TP63: variants seen among roughly 807,000 people sequenced by gnomAD.
TP63 encodes the protein tumor protein p63.
A neutral mutation model predicts 82.8 loss-of-function variants in TP63; 17 were observed. The ratio of observed to expected loss-of-function variants is 0.21; its 90% CI spans 0.14 to 0.31. TP63 has a LOEUF of 0.31. Among genes scored for constraint, TP63 ranks in the 10% least tolerant of loss-of-function variants. The pLI, the probability that TP63 is intolerant of heterozygous loss-of-function variation, is 1.00. For missense variants in TP63, 648 were observed against 895.3 expected (o/e 0.72, Z 3.52); for synonymous variants, 330 against 321.7 (o/e 1.03, Z -0.28).
chr3:189,717,524 A>G (rs543462250), intron 1 of TP63, among the ~76,000 whole-genome samples: 1 of 152,344 alleles, frequency 6.6e-6, no homozygotes, highest in African/African-American at 2.4e-5. Flanking sequence ...TCATATAGCT[A>G]TACTGAATTT....
chr3:189,616,010 C>A, the TP63 span, among the ~76,000 whole-genome samples: 1 of 152,200 alleles, frequency 6.6e-6, no homozygotes, highest in Non-Finnish European at 1.5e-5. Context: ...GCCTAGAACT[C>A]ACAGTTAGAT....
intron 1 of TP63, among the ~76,000 whole-genome samples, chr3:189,696,383 C>T (rs1035994002): frequency 1.3e-5 from 2 of 152,120 alleles, no homozygotes; most frequent in Non-Finnish European, 2.9e-5. Context: ...CTTGATAGCT[C>T]ATTTACTATT....
At chr3:189,601,674 A>G in the TP63 span, among the ~76,000 whole-genome samples, 1 of 152,000 alleles carries the variant, frequency 6.6e-6, no homozygotes, top group Non-Finnish European at 1.5e-5. Flanking sequence ...ACATTATTCA[A>G]CTTCAGAGGT....
At chr3:189,691,939 TC>T (rs1436188387) in intron 1 of TP63, among the ~76,000 whole-genome samples, 3 of 152,340 alleles carry the variant, frequency 2.0e-5, no homozygotes, top group African/African-American at 7.2e-5. Context: ...AGTGTGCTTT[TC>T]AAGATCAAGC....
In TP63 at chr3:189,822,729, C is replaced by T. The variant is rs138886405; in HGVS notation, c.579+14203C>T. On this transcript the variant is annotated intron_variant, in intron 4 of 13. Coordinates refer to ENST00000264731, the MANE Select transcript of TP63 (RefSeq NM_003722.5). ...TTTGGAGCCTTAGCCCAAAATGACT[C>T]GGACTCATGCTACAAAATGATAACG... Among the ~76,000 whole-genome samples, 166 of 152,266 alleles carry T rather than the reference C, an allele frequency of 1.1e-3. 2 individuals are homozygous for T. In the East Asian group the frequency reaches 0.029, roughly 26 times the overall value.
intron 1 of TP63, among the ~76,000 whole-genome samples, chr3:189,664,786 T>G (rs1286258781): frequency 1.3e-5 from 2 of 152,174 alleles, no homozygotes; most frequent in African/African-American, 2.4e-5. Flanking sequence ...AATAGTAGTA[T>G]TTGTTTTTAT....
rs115701477 is a variant in TP63 at position 189,647,575 on chromosome 3, G to A, written c.62+15998G>A. The stretch of plus-strand genomic sequence containing the variant: ...TCTGGAAAGCCATTGCAAGCTCTAC[G>A]TGGATTGTTTTTAGGGAGATGGGGG... On this transcript the variant is annotated intron_variant, in intron 1 of 13. Coordinates refer to ENST00000264731, the MANE Select transcript of TP63 (RefSeq NM_003722.5). 1.9e-3 allele frequency among the ~76,000 whole-genome samples: 278 copies of A among 146,610 alleles called. 22 individuals are homozygous for A. Among genetic ancestry groups the A allele is most frequent in the Middle Eastern group, 0.01 (3 of 288 alleles).
chr3:189,645,280 C>G, intron 1 of TP63: 1 of 405,556 alleles, frequency 2.5e-6, no homozygotes, highest in Non-Finnish European at 4.7e-6. Context: ...ACCTTCCACA[C>G]ACCCTTTGGT....
intron 1 of TP63, among the ~76,000 whole-genome samples, chr3:189,662,956 G>C (rs1714054169): frequency 6.6e-6 from 1 of 152,056 alleles, no homozygotes; most frequent in Non-Finnish European, 1.5e-5. Context: ...TGTATATAAA[G>C]TGGTCTGAAT....
chr3:189,616,620 T>C, the TP63 span, among the ~76,000 whole-genome samples: 1 of 152,230 alleles, frequency 6.6e-6, no homozygotes, highest in Non-Finnish European at 1.5e-5. Flanking sequence ...AGCTAAGTTC[T>C]GGTCCTGCTT....
chr3:189,675,745 A>C lies in TP63; in HGVS notation c.62+44168A>C, dbSNP rs1006607670. ...CCACTGTGCTGGGTGAGCTGCATCAAATAAATGAAACCAGCTACAGCCTGG... is the reference window on the plus strand; with the variant it reads ...CCACTGTGCTGGGTGAGCTGCATCACATAAATGAAACCAGCTACAGCCTGG... On this transcript the variant is annotated intron_variant, in intron 1 of 13. Transcript: ENST00000264731. Among the ~76,000 whole-genome samples, 5 of 152,074 alleles carry C rather than the reference A, an allele frequency of 3.3e-5. No homozygotes were observed. The South Asian group carries it at 1.0e-3, about 32-fold the overall frequency.
At position 189,709,667 on chromosome 3, in the gene TP63, G is replaced by C. The variant is rs984921239; in HGVS notation, c.63-28073G>C. 7.2e-5 allele frequency among the ~76,000 whole-genome samples: 11 copies of C among 152,130 alleles called. No individual in the cohort carries two copies. In the East Asian group the frequency reaches 2.1e-3, roughly 29 times the overall value. On this transcript the variant is annotated intron_variant, in intron 1 of 13. Transcript: ENST00000264731. ...CTCAAAAAATAATAATAATAAAAAA[G>C]AATTACAGGTGCTTTTTACATTTAT...
chr3:189,706,181 A>C lies in TP63; in HGVS notation c.63-31559A>C, dbSNP rs749964649. Among the ~76,000 whole-genome samples, 112 of 152,312 alleles carry C rather than the reference A, an allele frequency of 7.4e-4. 1 individual carries two copies. The highest frequency in any genetic ancestry group is 4.7e-4 in the Non-Finnish European group (32 of 68,022). ...ACAAACAGTTGTTACACAGTATAAC[A>C]ATTATGACAAACATTATTTTAGAAA... On this transcript the variant is annotated intron_variant, in intron 1 of 13. Coordinates refer to ENST00000264731, the MANE Select transcript of TP63 (RefSeq NM_003722.5).
rs1719850598 is a variant in TP63, at chr3:189,881,000, C to G, written c.1350-5394C>G. ...TGTGCTTTTAATAGAAAGACAAATC[C>G]ACCCCAGTAATATTGCCCTTACGTA... On this transcript the variant is annotated intron_variant, in intron 10 of 13. Transcript: ENST00000264731. 5 of 985,210 alleles carry G rather than the reference C, an allele frequency of 5.1e-6. No homozygotes were observed. In the South Asian group the frequency reaches 2.4e-4, roughly 46 times the overall value. The allele number at this position is 985,210 out of a possible 1,614,324, so 61.0% of individuals were successfully genotyped here. A position where few individuals can be genotyped will look rare whatever the true frequency, so the allele number is the denominator to read the frequency against.
chr3:189,631,724 G>A (rs1273379789), intron 1 of TP63, 147 bp downstream of exon 1: 42 of 1,536,434 alleles, frequency 2.7e-5, no homozygotes, highest in Non-Finnish European at 3.7e-5. Flanking sequence ...ACTTAAAGTG[G>A]TCTGTGGACA....
rs73889794 is a variant in TP63 at position 189,642,090 on chromosome 3, A to C, written c.62+10513A>C. ...ATACTTTTTCAAGTTTCTGGAAAAC[A>C]TTACTATTTAAACAGTATGCCAATG... On this transcript the variant is annotated intron_variant, in intron 1 of 13. Coordinates refer to ENST00000264731, the MANE Select transcript of TP63 (RefSeq NM_003722.5). Among the ~76,000 whole-genome samples, 1,494 of 152,328 alleles carry C rather than the reference A, an allele frequency of 9.8e-3. 25 individuals are homozygous for C. The highest frequency in any genetic ancestry group is 0.034 in the African/African-American group (1,404 of 41,574).
chr3:189,894,757 G>A lies in TP63; in HGVS notation c.*255G>A. 1.9e-6 allele frequency: 1 copy of A among 514,682 alleles called. No individual in the cohort carries two copies. Among genetic ancestry groups the A allele is most frequent in the South Asian group, 2.4e-5 (1 of 41,142 alleles). The allele number at this position is 514,682 out of a possible 1,614,324, so 31.9% of individuals were successfully genotyped here. ...GCTAGGTAGAAGTGAGCAAAAAAGA[G>A]TTGGGTGTCTCCTTAAGCTGCAGAG... On this transcript the variant is annotated 3_prime_UTR_variant, in exon 14 of 14. Transcript: ENST00000264731.
chr3:189,677,133 C>G (rs1434210330), intron 1 of TP63, among the ~76,000 whole-genome samples: 1 of 151,480 alleles, frequency 6.6e-6, no homozygotes, highest in Non-Finnish European at 1.5e-5. Context: ...CTAGGTTCAT[C>G]CATGTTACTG....
chr3:189,685,325 C>G (rs563143541), intron 1 of TP63, among the ~76,000 whole-genome samples: 1 of 152,270 alleles, frequency 6.6e-6, no homozygotes, highest in South Asian at 2.1e-4. Flanking sequence ...ATGTTTCTCC[C>G]TTTGCCCTGC....
Sources: allele counts gnomAD v4.1 joint callset (sites outside exome capture counted in the v4.1 genomes callset), GRCh38; gene constraint gnomAD v4.1.1; transcripts MANE v1.5; gene names NCBI Gene and HGNC (gene_info 2026-07-23, HGNC 2026-07-21).